Variants in FHIT observed in about 807,000 individuals in gnomAD.
FHIT encodes bis(5'-adenosyl)-triphosphatase.
Under a neutral mutation model 17.9 loss-of-function variants are expected in FHIT, and 19 were observed. The observed-to-expected ratio is 1.06, with a 90% CI of 0.74 to 1.56. The LOEUF is 1.56. Among genes scored for constraint, FHIT ranks in the 40% most tolerant of loss-of-function variants. The probability of loss-of-function intolerance (pLI) is 0.00; values close to 1 mark genes in which losing one functional copy is unlikely to be tolerated. For missense variants in FHIT, 248 were observed against 189.2 expected (o/e 1.31, Z -1.82); for synonymous variants, 81 against 69.7 (o/e 1.16, Z -0.81).
chr3:60,129,042 C>CTTT lies in FHIT; in HGVS notation c.104-114893_104-114891dup, dbSNP rs1360333142. Among the ~76,000 whole-genome samples, 87 of 112,956 alleles carry CTTT rather than the reference C, an allele frequency of 7.7e-4. 1 individual carries two copies. The highest frequency in any genetic ancestry group is 2.5e-3 in the African/African-American group (73 of 29,318). The allele number at this position is 112,956 out of a possible 152,430, so 74.1% of individuals were successfully genotyped here. On this transcript the variant is annotated intron_variant, in intron 5 of 9. Coordinates refer to ENST00000492590, the MANE Select transcript of FHIT (RefSeq NM_002012.4). ...ACTTAATTTTCCCTTTTCTTCTTTC[C>CTTT]TTTTTTGTTTGTTTTTTTTTTTTTT...
chr3:61,066,431 T>C (rs2106720659), intron 2 of FHIT, among the ~76,000 whole-genome samples: 1 of 152,206 alleles, frequency 6.6e-6, no homozygotes, highest in South Asian at 2.1e-4. Flanking sequence ...CTGACCAACA[T>C]AGTGAAACCC....
intron 5 of FHIT, among the ~76,000 whole-genome samples, chr3:60,023,858 T>C (rs540695879): frequency 6.6e-6 from 1 of 152,304 alleles, no homozygotes; most frequent in African/African-American, 2.4e-5. Context: ...CATTGTTTAA[T>C]CTGGGAAACA....
chr3:59,819,501 G>A (rs1232979215), intron 8 of FHIT, among the ~76,000 whole-genome samples: 1 of 151,958 alleles, frequency 6.6e-6, no homozygotes, highest in African/African-American at 2.4e-5. Context: ...TATTTGTATA[G>A]GAAAAATGTT....
At chr3:60,903,663 T>C (rs959716781) in intron 3 of FHIT, among the ~76,000 whole-genome samples, 44 of 152,238 alleles carry the variant, frequency 2.9e-4, no homozygotes, top group Non-Finnish European at 2.2e-4. Context: ...TATTATCACA[T>C]GGTAATAAAT....
At chr3:60,908,219 G>T (rs369003930) in intron 3 of FHIT, among the ~76,000 whole-genome samples, 1 of 152,102 alleles carries the variant, frequency 6.6e-6, no homozygotes, top group South Asian at 2.1e-4. Context: ...TGGAGTGGGG[G>T]TGTTAAATTT....
intron 4 of FHIT, among the ~76,000 whole-genome samples, chr3:60,731,838 C>G (rs2042036638): frequency 6.6e-6 from 1 of 152,174 alleles, no homozygotes; most frequent in South Asian, 2.1e-4. Flanking sequence ...ACCTGATGGT[C>G]GCCTGACATT....
intron 2 of FHIT, among the ~76,000 whole-genome samples, chr3:61,072,277 AC>A (rs930225180): frequency 6.6e-6 from 1 of 152,116 alleles, no homozygotes; most frequent in African/African-American, 2.4e-5. Context: ...CACAACCTAT[AC>A]CCAGGGACAA....
At chr3:61,211,186 C>T (rs139102048) in intron 1 of FHIT, among the ~76,000 whole-genome samples, 5,897 of 151,760 alleles carry the variant, frequency 0.039, 133 homozygotes, top group Admixed American at 0.066. Context: ...GTGCACAAGC[C>T]GAAGCAGGGT....
intron 5 of FHIT, among the ~76,000 whole-genome samples, chr3:60,361,056 T>A (rs919553283): frequency 6.6e-6 from 1 of 152,192 alleles, no homozygotes; most frequent in African/African-American, 2.4e-5. Context: ...TACATCCTGG[T>A]GATGGCTCCC....
chr3:61,079,131 T>G (rs1559964925), intron 2 of FHIT, among the ~76,000 whole-genome samples: 1 of 152,216 alleles, frequency 6.6e-6, no homozygotes, highest in East Asian at 1.9e-4. Context: ...GTATCATAAT[T>G]TATCCTTGTG....
intron 5 of FHIT, among the ~76,000 whole-genome samples, chr3:60,175,217 A>G (rs1701614892): frequency 6.6e-6 from 1 of 152,198 alleles, no homozygotes; most frequent in South Asian, 2.1e-4. Flanking sequence ...AATCTAGATA[A>G]CCAGGACACA....
At chr3:60,955,613 T>TATAC (rs1209887151) in intron 3 of FHIT, among the ~76,000 whole-genome samples, 1 of 13,326 alleles carries the variant, frequency 7.5e-5, no homozygotes, top group African/African-American at 1.2e-4. Context: ...TATATATATA[T>TATAC]ATATATATAT....
chr3:60,230,968 C>A (rs894869204), intron 5 of FHIT, among the ~76,000 whole-genome samples: 4 of 152,224 alleles, frequency 2.6e-5, no homozygotes, highest in Non-Finnish European at 5.9e-5. Flanking sequence ...TCCTTGACCT[C>A]CCAAAGTGAT....
Position 61,121,934 on chromosome 3 carries a change from G to A in FHIT, c.-164+78683C>T, listed in dbSNP as rs191687595. 9.3e-3 allele frequency among the ~76,000 whole-genome samples: 1,410 copies of A among 152,248 alleles called. 11 individuals carry two copies. The highest frequency in any genetic ancestry group is 0.02 in the Middle Eastern group (6 of 294). On this transcript the variant is annotated intron_variant, in intron 2 of 9. Coordinates refer to ENST00000492590, the MANE Select transcript of FHIT (RefSeq NM_002012.4). ...AAAAAAAGCAGGGGTTGCAATCCTAGTCTCTGATAAAACAGACTTTAAACC... is the reference window on the plus strand; with the variant it reads ...AAAAAAAGCAGGGGTTGCAATCCTAATCTCTGATAAAACAGACTTTAAACC...
rs564733635 is a variant in FHIT at position 60,370,026 on chromosome 3, T to C, written c.103+166834A>G. Among the ~76,000 whole-genome samples the C allele has an allele frequency of 1.9e-4, 29 of 152,326 alleles. No homozygotes were observed. The East Asian group carries it at 2.9e-3, about 15-fold the overall frequency. ...TTGTAACATATCTGTATTATCCTAA[T>C]AGACAAAAGTATCCGCTATAGGAGT... On this transcript the variant is annotated intron_variant, in intron 5 of 9. Transcript: ENST00000492590.
At position 60,176,721 on chromosome 3, in the gene FHIT, C is replaced by T. The variant is rs554419207; in HGVS notation, c.104-162569G>A. 1.6e-4 allele frequency among the ~76,000 whole-genome samples: 25 copies of T among 152,262 alleles called. No homozygotes were observed. The South Asian group carries it at 2.3e-3, about 14-fold the overall frequency. On this transcript the variant is annotated intron_variant, in intron 5 of 9. Coordinates refer to ENST00000492590, the MANE Select transcript of FHIT (RefSeq NM_002012.4). ...CCTAGGAGCTTTCCATCTTACAAAG[C>T]TGAGTATTGGCAAATGTTACCAGAG... is the stretch of plus-strand genomic sequence containing the variant.
At position 59,926,004 on chromosome 3, in the gene FHIT, C is replaced by A. The variant is rs77895452; in HGVS notation, c.280-3590G>T. On this transcript the variant is annotated intron_variant, in intron 7 of 9. Coordinates refer to ENST00000492590, the MANE Select transcript of FHIT (RefSeq NM_002012.4). ...GCTGTGGTGATCACAACTTACTTTT[C>A]TAAGTGCCAACAAAACATCTATTTA... is the stretch of plus-strand genomic sequence containing the variant. 3.1e-3 allele frequency among the ~76,000 whole-genome samples: 479 copies of A among 152,308 alleles called. 1 individual carries two copies. Among genetic ancestry groups the A allele is most frequent in the Non-Finnish European group, 5.9e-3 (399 of 68,020 alleles).
At chr3:60,874,078 C>T (rs1030397522) in intron 3 of FHIT, among the ~76,000 whole-genome samples, 4 of 152,278 alleles carry the variant, frequency 2.6e-5, no homozygotes, top group African/African-American at 9.6e-5. Context: ...ATTGAGCACA[C>T]CCCTACTTAT....
chr3:60,307,417 G>C (rs1394280961), intron 5 of FHIT, among the ~76,000 whole-genome samples: 1 of 152,152 alleles, frequency 6.6e-6, no homozygotes, highest in Non-Finnish European at 1.5e-5. Flanking sequence ...CACAAGTCTT[G>C]AACTTTTAAA....
Sources: gnomAD v4.1 joint callset for allele counts (sites outside exome capture counted in the v4.1 genomes callset) on GRCh38, gnomAD v4.1.1 for gene constraint, MANE v1.5 for transcripts, NCBI Gene and HGNC (gene_info 2026-07-23, HGNC 2026-07-21) for gene names.